Variants in TRHDE observed in about 807,000 individuals in gnomAD.
TRHDE encodes the protein thyrotropin-releasing hormone-degrading ectoenzyme.
A neutral mutation model predicts 125.7 loss-of-function variants in TRHDE; 72 were observed. That is an observed-to-expected ratio of 0.57 (90% confidence interval 0.47 to 0.70). The LOEUF (loss-of-function observed/expected upper bound fraction) is 0.70, where lower values mean the gene tolerates loss of function less well. Among genes scored for constraint, TRHDE ranks in the 30% least tolerant of loss-of-function variants. TRHDE has a pLI of 0.00. For synonymous variants in TRHDE, 509 were observed against 509.1 expected (o/e 1.00, Z 0.00); for missense variants, 1,110 against 1,327.1 (o/e 0.84, Z 2.54).
At chr12:72,189,422 G>A (rs772301579) in intron 2 of TRHDE, among the ~76,000 whole-genome samples, 1 of 152,234 alleles carries the variant, frequency 6.6e-6, no homozygotes, top group South Asian at 2.1e-4. Context: ...CAACTTTCCT[G>A]CTTCTCTGTA....
intron 3 of TRHDE, among the ~76,000 whole-genome samples, chr12:72,417,357 T>C (rs1357125849): frequency 6.6e-6 from 1 of 152,008 alleles, no homozygotes; most frequent in Admixed American, 6.6e-5. Flanking sequence ...TTGGCAGAGA[T>C]TAACAATTAG....
chr12:72,457,836 A>C (rs1303069704), intron 3 of TRHDE, among the ~76,000 whole-genome samples: 1 of 152,232 alleles, frequency 6.6e-6, no homozygotes, highest in Non-Finnish European at 1.5e-5. Context: ...GAATTTGGAA[A>C]TATGTTTTAC....
chr12:72,452,945 A>G (rs1159984834), intron 3 of TRHDE, among the ~76,000 whole-genome samples: 2 of 152,168 alleles, frequency 1.3e-5, no homozygotes, highest in African/African-American at 4.8e-5. Context: ...CATTTTCTTC[A>G]TAAATTACCC....
intron 2 of TRHDE, among the ~76,000 whole-genome samples, chr12:72,240,099 T>G (rs1878444589): frequency 6.6e-6 from 1 of 152,146 alleles, no homozygotes; most frequent in Admixed American, 6.5e-5. Context: ...AATCTATGTG[T>G]TCTTTTAACA....
At chr12:72,600,489 T>A (rs895920887) in intron 12 of TRHDE, among the ~76,000 whole-genome samples, 1 of 152,044 alleles carries the variant, frequency 6.6e-6, no homozygotes, top group African/African-American at 2.4e-5. Context: ...CTAGAGGTAT[T>A]TTAATTTTTG....
chr12:72,429,697 T>A (rs1874359370), intron 3 of TRHDE, among the ~76,000 whole-genome samples: 1 of 152,058 alleles, frequency 6.6e-6, no homozygotes, highest in Non-Finnish European at 1.5e-5. Context: ...CTTGTTATTA[T>A]CTGTCTTTTC....
chr12:72,381,514 G>C (rs1367036145), intron 3 of TRHDE, among the ~76,000 whole-genome samples: 5 of 149,986 alleles, frequency 3.3e-5, no homozygotes, highest in Non-Finnish European at 7.4e-5. Context: ...TCCTGCCTCA[G>C]CCTCCCAAGT....
At chr12:72,483,695 C>G (rs995512103) in intron 5 of TRHDE, among the ~76,000 whole-genome samples, 1 of 151,822 alleles carries the variant, frequency 6.6e-6, no homozygotes, top group African/African-American at 2.4e-5. Flanking sequence ...CTGGGCTCTT[C>G]GTACTCTATA....
Position 72,495,526 on chromosome 12 carries a change from C to A in TRHDE, c.1585-3972C>A, listed in dbSNP as rs138384964. 3.3e-3 allele frequency among the ~76,000 whole-genome samples: 502 copies of A among 152,142 alleles called. 5 individuals are homozygous for A. The highest frequency in any genetic ancestry group is 0.011 in the African/African-American group (457 of 41,520). On this transcript the variant is annotated intron_variant, in intron 5 of 18. Coordinates refer to ENST00000261180, the MANE Select transcript of TRHDE (RefSeq NM_013381.3). ...TTTAATGTCACCTCTTCTATGAAACCTTTTCTGAACTAATTAATCATTTCA... is the reference window on the plus strand; with the variant it reads ...TTTAATGTCACCTCTTCTATGAAACATTTTCTGAACTAATTAATCATTTCA...
chr12:72,530,256 G>T (rs1387615351), intron 6 of TRHDE, among the ~76,000 whole-genome samples: 1 of 151,704 alleles, frequency 6.6e-6, no homozygotes, highest in African/African-American at 2.4e-5. Context: ...CCCCAATTAA[G>T]CTTTCATTCT....
At chr12:72,116,513 C>T (rs1162757799) in intron 2 of TRHDE, among the ~76,000 whole-genome samples, 1 of 152,138 alleles carries the variant, frequency 6.6e-6, no homozygotes, top group Non-Finnish European at 1.5e-5. Flanking sequence ...CATATCTTCC[C>T]CAGCATCTGT....
At chr12:72,484,640 A>T (rs543943891) in intron 5 of TRHDE, among the ~76,000 whole-genome samples, 2 of 152,330 alleles carry the variant, frequency 1.3e-5, no homozygotes, top group South Asian at 4.1e-4. Context: ...CTTATGAAAG[A>T]TTATAAGAGT....
At chr12:72,550,679 T>C (rs2135997132) in intron 7 of TRHDE, among the ~76,000 whole-genome samples, 1 of 152,046 alleles carries the variant, frequency 6.6e-6, no homozygotes, top group South Asian at 2.1e-4. Flanking sequence ...CTAATTTTTG[T>C]TAAATAACAC....
intron 3 of TRHDE, among the ~76,000 whole-genome samples, chr12:72,425,794 G>T (rs535953755): frequency 9.9e-5 from 15 of 151,794 alleles, no homozygotes; most frequent in Non-Finnish European, 1.9e-4. Context: ...TTACTATTTG[G>T]TTTTTACTAT....
intron 6 of TRHDE, among the ~76,000 whole-genome samples, chr12:72,507,295 T>C (rs1309740493): frequency 2.0e-5 from 3 of 152,090 alleles, no homozygotes; most frequent in Non-Finnish European, 2.9e-5. Flanking sequence ...AACTGGATAA[T>C]GGGCAGAGGT....
At chr12:72,142,613 C>T (rs1335543078) in intron 2 of TRHDE, among the ~76,000 whole-genome samples, 4 of 152,150 alleles carry the variant, frequency 2.6e-5, no homozygotes. Flanking sequence ...AACAGACATT[C>T]CTGTTTTCAT....
At chr12:72,139,527 T>G (rs1876065205) in intron 2 of TRHDE, among the ~76,000 whole-genome samples, 1 of 152,192 alleles carries the variant, frequency 6.6e-6, no homozygotes, top group South Asian at 2.1e-4. Context: ...TGTGTAGCCA[T>G]TATGAATAGA....
intron 6 of TRHDE, among the ~76,000 whole-genome samples, chr12:72,506,006 C>T (rs1028955296): frequency 2.6e-5 from 4 of 152,138 alleles, no homozygotes; most frequent in Non-Finnish European, 5.9e-5. Flanking sequence ...CTTTCTTCAA[C>T]AATGCAACCC....
intron 2 of TRHDE, among the ~76,000 whole-genome samples, chr12:72,231,589 C>A (rs984526739): frequency 6.6e-6 from 1 of 152,136 alleles, no homozygotes; most frequent in Admixed American, 6.6e-5. Flanking sequence ...AACATAGAAT[C>A]TCTAGGGAAA....
Sources: gnomAD v4.1 joint callset for allele counts (sites outside exome capture counted in the v4.1 genomes callset) on GRCh38, gnomAD v4.1.1 for gene constraint, MANE v1.5 for transcripts, NCBI Gene and HGNC (gene_info 2026-07-23, HGNC 2026-07-21) for gene names.